ADAMTSL3: variants seen among roughly 807,000 people sequenced by gnomAD.
ADAMTSL3 encodes the protein ADAMTS like 3.
Under a neutral mutation model 201.7 loss-of-function variants are expected in ADAMTSL3, and 128 were observed. That is an observed-to-expected ratio of 0.63 (90% confidence interval 0.55 to 0.73). The LOEUF (loss-of-function observed/expected upper bound fraction) is 0.73. Ranked by LOEUF, ADAMTSL3 falls within the 30% of genes least tolerant of loss-of-function variation. The pLI, the probability that ADAMTSL3 is intolerant of heterozygous loss-of-function variation, is 0.00. For synonymous variants in ADAMTSL3, 738 were observed against 748.4 expected (o/e 0.99, Z 0.23); for missense variants, 1,990 against 2,119.6 (o/e 0.94, Z 1.20).
At chr15:83,802,250 A>C (rs1244786576) in intron 4 of ADAMTSL3, among the ~76,000 whole-genome samples, 1 of 152,192 alleles carries the variant, frequency 6.6e-6, no homozygotes, top group African/African-American at 2.4e-5. Flanking sequence ...GTTTTAAAAT[A>C]CTTCTAAATA....
chr15:83,908,948 A>G (rs2065888008), intron 15 of ADAMTSL3, among the ~76,000 whole-genome samples: 1 of 152,180 alleles, frequency 6.6e-6, no homozygotes, highest in Admixed American at 6.5e-5. Flanking sequence ...ATTCAGTTCC[A>G]TGCATTTGTA....
At chr15:83,943,246 T>A (rs1461308300) in intron 19 of ADAMTSL3, among the ~76,000 whole-genome samples, 164 bp downstream of exon 19, 2 of 152,154 alleles carry the variant, frequency 1.3e-5, no homozygotes, top group African/African-American at 4.8e-5. Context: ...TTGTGCAAGT[T>A]CCGTAGTCCA....
chr15:83,813,804 C>T (rs1021730505), intron 5 of ADAMTSL3, among the ~76,000 whole-genome samples: 4 of 152,114 alleles, frequency 2.6e-5, no homozygotes, highest in Non-Finnish European at 4.4e-5. Flanking sequence ...GAGACTGGCC[C>T]CTGAGCCCTA....
chr15:83,769,397 CT>C (rs1157835128), intron 3 of ADAMTSL3, among the ~76,000 whole-genome samples: 1 of 152,092 alleles, frequency 6.6e-6, no homozygotes, highest in African/African-American at 2.4e-5. Flanking sequence ...CTTATTGTAT[CT>C]TTTGTGAATT....
chr15:83,772,411 C>G (rs2062999214), intron 3 of ADAMTSL3, among the ~76,000 whole-genome samples: 1 of 152,216 alleles, frequency 6.6e-6, no homozygotes, highest in Non-Finnish European at 1.5e-5. Context: ...AGGTCTATAC[C>G]TACATCTATG....
intron 3 of ADAMTSL3, among the ~76,000 whole-genome samples, chr15:83,723,650 C>T (rs1274526569): frequency 6.6e-6 from 1 of 152,088 alleles, no homozygotes; most frequent in Non-Finnish European, 1.5e-5. Context: ...GAAATGCTAA[C>T]ATGATATCCT....
chr15:83,715,639 A>C (rs1231626003), intron 3 of ADAMTSL3, among the ~76,000 whole-genome samples: 2 of 152,166 alleles, frequency 1.3e-5, no homozygotes, highest in African/African-American at 4.8e-5. Context: ...CACACAGTAA[A>C]TGCACAACGA....
intron 12 of ADAMTSL3, among the ~76,000 whole-genome samples, chr15:83,891,770 A>C (rs1413798548): frequency 6.6e-6 from 1 of 152,202 alleles, no homozygotes; most frequent in Non-Finnish European, 1.5e-5. Context: ...GGCAGTTTGA[A>C]GATGCAGCCA....
At chr15:83,722,837 G>A (rs2062119823) in intron 3 of ADAMTSL3, among the ~76,000 whole-genome samples, 1 of 151,948 alleles carries the variant, frequency 6.6e-6, no homozygotes, top group African/African-American at 2.4e-5. Context: ...AATTTAAATT[G>A]TTAACATATG....
chr15:83,773,290 C>T (rs2063014754), intron 3 of ADAMTSL3, among the ~76,000 whole-genome samples: 3 of 151,868 alleles, frequency 2.0e-5, no homozygotes, highest in Admixed American at 2.0e-4. Context: ...CGCCTGTAAT[C>T]CCAGCTACTC....
chr15:84,007,212 G>T (rs1210691311), intron 23 of ADAMTSL3, among the ~76,000 whole-genome samples: 1 of 152,114 alleles, frequency 6.6e-6, no homozygotes, highest in Non-Finnish European at 1.5e-5. Context: ...CATCTTGGTT[G>T]TTTTCATACC....
intron 23 of ADAMTSL3, among the ~76,000 whole-genome samples, chr15:84,006,750 C>T (rs550872093): frequency 2.0e-4 from 31 of 152,102 alleles, no homozygotes; most frequent in Non-Finnish European, 4.3e-4. Context: ...TTTGAAACAC[C>T]ATAAAGAGCA....
intron 15 of ADAMTSL3, among the ~76,000 whole-genome samples, chr15:83,904,147 G>A (rs777369880): frequency 9.2e-5 from 14 of 151,672 alleles, no homozygotes; most frequent in Non-Finnish European, 2.1e-4. Context: ...TGAGCAGACA[G>A]CACCTGTTCC....
rs192186311 is a variant in ADAMTSL3 at position 83,743,884 on chromosome 15, G to A, written c.190-29639G>A. Reference sequence around the variant, plus strand: ...TTTTAATTTTTTTTTTTGATATGGCGTCTGTTGCCCAGGCGGAGTGCAGTG... The same window carrying A: ...TTTTAATTTTTTTTTTTGATATGGCATCTGTTGCCCAGGCGGAGTGCAGTG... On this transcript the variant is annotated intron_variant, in intron 3 of 29. Transcript: ENST00000286744. 5.3e-4 allele frequency among the ~76,000 whole-genome samples: 81 copies of A among 151,432 alleles called. 1 individual carries two copies. The highest frequency in any genetic ancestry group is 1.6e-3 in the East Asian group (8 of 5,154).
intron 2 of ADAMTSL3, among the ~76,000 whole-genome samples, chr15:83,668,020 T>C (rs2061272275): frequency 6.6e-6 from 1 of 152,076 alleles, no homozygotes; most frequent in Non-Finnish European, 1.5e-5. Flanking sequence ...CAAAGCATAG[T>C]GGAAGTTAGG....
chr15:83,862,917 G>A (rs2064896630), intron 8 of ADAMTSL3: 1 of 152,142 alleles, frequency 6.6e-6, no homozygotes, highest in African/African-American at 2.4e-5. Flanking sequence ...ATAAAGGGAT[G>A]GAGGAAGACC....
intron 7 of ADAMTSL3, among the ~76,000 whole-genome samples, chr15:83,840,285 T>C (rs2064348885): frequency 6.6e-6 from 1 of 152,190 alleles, no homozygotes; most frequent in South Asian, 2.1e-4. Flanking sequence ...TGTTAAATGC[T>C]TTTATGAGTT....
intron 8 of ADAMTSL3, among the ~76,000 whole-genome samples, chr15:83,864,268 C>G (rs1189758372): frequency 2.0e-5 from 3 of 152,166 alleles, no homozygotes; most frequent in Non-Finnish European, 2.9e-5. Flanking sequence ...TTTTATGAGG[C>G]CAGCATCATC....
chr15:83,870,766 A>T (rs781434183), intron 8 of ADAMTSL3, 36 bp from the exon 9 acceptor site: 29 of 1,499,464 alleles, frequency 1.9e-5, no homozygotes, highest in Middle Eastern at 1.8e-4. Context: ...TACCTTTAAG[A>T]TTGTTTCTTA....
Sources: allele counts gnomAD v4.1 joint callset (sites outside exome capture counted in the v4.1 genomes callset), GRCh38; gene constraint gnomAD v4.1.1; transcripts MANE v1.5; gene names NCBI Gene and HGNC (gene_info 2026-07-23, HGNC 2026-07-21).